The following RAB31 variants were observed in gnomAD, a reference collection of about 807,000 sequenced individuals.
RAB31 encodes the protein ras-related protein Rab-31.
RAB31 carries 21 observed loss-of-function variants against 25.6 expected under a neutral mutation model. The ratio of observed to expected loss-of-function variants is 0.82; its 90% CI spans 0.58 to 1.18. The LOEUF (loss-of-function observed/expected upper bound fraction) is 1.18. Among genes scored for constraint, RAB31 ranks in the 50% most tolerant of loss-of-function variants. The pLI, the probability that RAB31 is intolerant of heterozygous loss-of-function variation, is 0.00. For missense variants in RAB31, 196 were observed against 250.1 expected, an observed-to-expected ratio of 0.78 and a Z score of 1.46; for synonymous variants, 87 against 84.0, an observed-to-expected ratio of 1.04 and a Z score of -0.20.
intron 1 of RAB31, among the ~76,000 whole-genome samples, chr18:9,734,577 G>C (rs570207229): frequency 5.0e-4 from 76 of 152,206 alleles, no homozygotes; most frequent in African/African-American, 1.8e-3. Flanking sequence ...GTGAAGGTGA[G>C]GAACAGCAGA....
intron 3 of RAB31, among the ~76,000 whole-genome samples, chr18:9,796,144 C>T (rs536040238): frequency 1.3e-5 from 2 of 152,240 alleles, no homozygotes; most frequent in South Asian, 2.1e-4. Context: ...TACTAAACAT[C>T]GTATGTTATC....
intron 3 of RAB31, among the ~76,000 whole-genome samples, chr18:9,803,545 GA>G (rs2068524659): frequency 6.6e-6 from 1 of 152,034 alleles, no homozygotes; most frequent in Non-Finnish European, 1.5e-5. Flanking sequence ...TCTCTTGAAA[GA>G]GAAAACTGAG....
intron 1 of RAB31, among the ~76,000 whole-genome samples, chr18:9,722,541 G>T (rs1316714352): frequency 6.6e-6 from 1 of 152,158 alleles, no homozygotes; most frequent in East Asian, 1.9e-4. Context: ...AGTTTAATTT[G>T]TATTTAATCA....
At chr18:9,764,580 A>T (rs1032685829) in intron 1 of RAB31, among the ~76,000 whole-genome samples, 4 of 152,184 alleles carry the variant, frequency 2.6e-5, no homozygotes, top group Non-Finnish European at 5.9e-5. Context: ...GTGTGTGAAC[A>T]TGGGTACACG....
intron 1 of RAB31, among the ~76,000 whole-genome samples, chr18:9,758,364 C>G (rs906505216): frequency 2.6e-5 from 4 of 152,016 alleles, no homozygotes; most frequent in Non-Finnish European, 4.4e-5. Flanking sequence ...TTCTTTGCCT[C>G]CTGGGGGGAA....
intron 5 of RAB31, among the ~76,000 whole-genome samples, chr18:9,822,976 C>A (rs942944084): frequency 1.3e-5 from 2 of 152,256 alleles, no homozygotes; most frequent in African/African-American, 2.4e-5. Flanking sequence ...TTCATAGACA[C>A]GTTATTTGTA....
At chr18:9,744,979 A>G (rs1256321093) in intron 1 of RAB31, among the ~76,000 whole-genome samples, 1 of 152,224 alleles carries the variant, frequency 6.6e-6, no homozygotes, top group Admixed American at 6.5e-5. Context: ...GAAATGAAAT[A>G]GAGAATAGAA....
chr18:9,854,765 C>T (rs542783211), intron 6 of RAB31, among the ~76,000 whole-genome samples: 1 of 152,294 alleles, frequency 6.6e-6, no homozygotes, highest in East Asian at 1.9e-4. Flanking sequence ...GTTCCATGAT[C>T]GTGAGTCATT....
At chr18:9,728,593 A>G (rs956838913) in intron 1 of RAB31, among the ~76,000 whole-genome samples, 1 of 152,174 alleles carries the variant, frequency 6.6e-6, no homozygotes, top group Non-Finnish European at 1.5e-5. Flanking sequence ...GCAGGAGTGC[A>G]GTGGTACAAT....
chr18:9,819,959 A>C (rs2068617026), intron 5 of RAB31, among the ~76,000 whole-genome samples: 1 of 152,004 alleles, frequency 6.6e-6, no homozygotes, highest in South Asian at 2.1e-4. Context: ...GTTTTTTAGT[A>C]AATTATCTGG....
chr18:9,850,591 C>T (rs538993492), intron 6 of RAB31, among the ~76,000 whole-genome samples: 110 of 152,314 alleles, frequency 7.2e-4, no homozygotes, highest in African/African-American at 2.6e-3. Context: ...TAAGTGTTGA[C>T]TGTGGCAGAG....
At chr18:9,777,768 T>C (rs2068380250) in intron 2 of RAB31, among the ~76,000 whole-genome samples, 1 of 150,406 alleles carries the variant, frequency 6.6e-6, no homozygotes, top group Non-Finnish European at 1.5e-5. Context: ...TTTTTTTTTT[T>C]TTTTGAGACG....
intron 1 of RAB31, among the ~76,000 whole-genome samples, chr18:9,709,360 G>C (rs1322765796): frequency 2.0e-5 from 3 of 152,130 alleles, no homozygotes; most frequent in Non-Finnish European, 4.4e-5. Flanking sequence ...TTCTAAGGGC[G>C]TTTTCAGCAG....
chr18:9,845,582 G>T lies in RAB31; in HGVS notation c.381G>T (p.Arg127Ser). 1 of 1,533,782 alleles carries T rather than the reference G, an allele frequency of 6.5e-7. No homozygotes were observed. ...AGNKCDLSDI[R>S]EVPLKDAKEY... Reference sequence around the variant, plus strand: ...TGTCTACATTTGACCTCTTTTCCAGGGAGGTTCCCCTGAAGGATGCTAAGG... The same window carrying T: ...TGTCTACATTTGACCTCTTTTCCAGTGAGGTTCCCCTGAAGGATGCTAAGG... Residue 127 changes from arginine (R) to serine (S), a missense_variant and splice_region_variant, in exon 6 of 7, where the codon AGG becomes AGT. By Grantham distance (110) the Arg-to-Ser change is moderately radical. Coordinates refer to ENST00000578921, the MANE Select transcript of RAB31 (RefSeq NM_006868.4).
intron 1 of RAB31, among the ~76,000 whole-genome samples, chr18:9,752,482 C>T (rs1251953317): frequency 6.6e-6 from 1 of 152,158 alleles, no homozygotes; most frequent in East Asian, 1.9e-4. Context: ...GCCTCGGCCT[C>T]CCAAAGTGCT....
intron 6 of RAB31, among the ~76,000 whole-genome samples, chr18:9,850,385 A>G (rs898306874): frequency 6.6e-6 from 1 of 152,212 alleles, no homozygotes; most frequent in Non-Finnish European, 1.5e-5. Context: ...TTGGCTTCCC[A>G]AAGTGCTGGG....
chr18:9,708,317 A>C lies in RAB31; in HGVS notation c.-89A>C. 2.1e-6 allele frequency: 2 copies of C among 959,216 alleles called. No individual in the cohort carries two copies. The highest frequency in any genetic ancestry group is 1.4e-6 in the Non-Finnish European group (1 of 735,836). 59.4% of individuals were successfully genotyped at this position (959,216 alleles called of 1,614,324 possible). On this transcript the variant is annotated 5_prime_UTR_variant, in exon 1 of 7. Transcript: ENST00000578921. This position sits in a 1 kb window ranked among gnomAD's most constrained non-coding sequence, Gnocchi z 6.4. ...GTTCCGCCCGCGGGCGGCGCGAGCG[A>C]GGGGCAGAGGCGAGAGACGCCGGCG...
intron 1 of RAB31, among the ~76,000 whole-genome samples, chr18:9,757,073 G>A (rs926213955): frequency 6.6e-6 from 1 of 152,222 alleles, no homozygotes; most frequent in African/African-American, 2.4e-5. Context: ...GGGCATGTCA[G>A]TATGAGTTGG....
At chr18:9,839,382 A>G (rs2068721025) in intron 5 of RAB31, among the ~76,000 whole-genome samples, 1 of 152,174 alleles carries the variant, frequency 6.6e-6, no homozygotes, top group African/African-American at 2.4e-5. Context: ...CAATCAGAAG[A>G]TGTTGGAGAA....
Sources: allele counts gnomAD v4.1 joint callset (sites outside exome capture counted in the v4.1 genomes callset), GRCh38; gene constraint gnomAD v4.1.1; non-coding constraint Gnocchi (gnomAD v3.1); transcripts MANE v1.5; gene names NCBI Gene and HGNC (gene_info 2026-07-23, HGNC 2026-07-21).